Variants in TMEM192 observed in about 807,000 individuals in gnomAD.
TMEM192 encodes transmembrane protein 192.
In TMEM192, 20 loss-of-function variants were observed where a neutral mutation model predicts 26.7. The ratio of observed to expected loss-of-function variants is 0.75; its 90% CI spans 0.53 to 1.09. The LOEUF (loss-of-function observed/expected upper bound fraction) is 1.09, where lower values mean the gene tolerates loss of function less well. Ranked by LOEUF, TMEM192 falls within the 50% of genes least tolerant of loss-of-function variation. TMEM192 has a pLI of 0.00. For synonymous variants in TMEM192, 124 were observed against 121.0 expected (o/e 1.02, Z -0.16); for missense variants, 304 against 322.6 (o/e 0.94, Z 0.44).
At position 165,081,986 on chromosome 4, in the gene TMEM192, T is replaced by C. The variant is rs1361279264; in HGVS notation, c.678-2190A>G. Among the ~76,000 whole-genome samples the C allele has an allele frequency of 5.1e-3, 152 of 29,702 alleles. 58 individuals carry two copies. The highest frequency in any genetic ancestry group is 0.02 in the Admixed American group (44 of 2,164). 19.5% of individuals were successfully genotyped at this position (29,702 alleles called of 152,430 possible). ...ACCATCTTCTTTTTTTTTTTTTTTT[T>C]CAACACAGAGTCTCACTCCATTGCC... On this transcript the variant is annotated intron_variant, in intron 5 of 5. Transcript: ENST00000306480.
intron 4 of TMEM192, among the ~76,000 whole-genome samples, chr4:165,086,384 A>G (rs1490815941): frequency 2.0e-5 from 3 of 150,468 alleles, no homozygotes; most frequent in Non-Finnish European, 2.9e-5. Flanking sequence ...AGAATGCATC[A>G]GGAGTGGCTG....
intron 2 of TMEM192, among the ~76,000 whole-genome samples, chr4:165,102,253 G>C (rs1449118542): frequency 6.6e-6 from 1 of 152,112 alleles, no homozygotes; most frequent in Non-Finnish European, 1.5e-5. Context: ...AAATTCCTGT[G>C]TCAACATATG....
chr4:165,089,293 C>T (rs1183472621), intron 3 of TMEM192, among the ~76,000 whole-genome samples: 1 of 151,850 alleles, frequency 6.6e-6, no homozygotes, highest in Non-Finnish European at 1.5e-5. Flanking sequence ...AAATAAGGGT[C>T]TTCAAGGGAA....
At chr4:165,090,401 T>C in intron 3 of TMEM192, among the ~76,000 whole-genome samples, 1 of 151,282 alleles carries the variant, frequency 6.6e-6, no homozygotes. Context: ...AAAAATCTAT[T>C]GAACAATGAG....
In TMEM192 at chr4:165,073,055, G is replaced by A. The variant is rs1734304921; in HGVS notation, c.*6603C>T. 1 of 152,220 alleles carries A rather than the reference G, an allele frequency of 6.6e-6. No individual in the cohort carries two copies. The highest frequency in any genetic ancestry group is 2.4e-5 in the African/African-American group (1 of 41,406). 9.4% of individuals were successfully genotyped at this position (152,220 alleles called of 1,614,324 possible). A position where few individuals can be genotyped will look rare whatever the true frequency, so the allele number is the denominator to read the frequency against. On this transcript the variant is annotated 3_prime_UTR_variant, in exon 6 of 6. Transcript: ENST00000306480. Reference sequence around the variant, plus strand: ...AAAGCAGACAAAAGAAGAAGCTAGTGAAGTAGAAGAAAATGAGGAGAATGT... The same window carrying A: ...AAAGCAGACAAAAGAAGAAGCTAGTAAAGTAGAAGAAAATGAGGAGAATGT...
rs1376960500 is a variant in TMEM192, at chr4:165,071,006, C to T, written c.*8652G>A. Reference sequence around the variant, plus strand: ...CCCCTTATCTACAGGGGAAACATTACAAGACCTCAGGTGATGCCTGGAGCC... The same window carrying T: ...CCCCTTATCTACAGGGGAAACATTATAAGACCTCAGGTGATGCCTGGAGCC... On this transcript the variant is annotated 3_prime_UTR_variant, in exon 6 of 6. Coordinates refer to ENST00000306480, the MANE Select transcript of TMEM192 (RefSeq NM_001100389.2). 6 of 152,084 alleles carry T rather than the reference C, an allele frequency of 3.9e-5. No individual in the cohort carries two copies. Among genetic ancestry groups the T allele is most frequent in the Admixed American group, 1.3e-4 (2 of 15,248 alleles). 9.4% of individuals were successfully genotyped at this position (152,084 alleles called of 1,614,324 possible). A position where few individuals can be genotyped will look rare whatever the true frequency, so the allele number is the denominator to read the frequency against.
chr4:165,087,627 T>A lies in TMEM192; in HGVS notation c.574+841A>T, dbSNP rs1734651236. Reference sequence around the variant, plus strand: ...GCCTGTGGGACATGTGGATGAAAACTTCATTAAGCAGATGAATATATACAA... The same window carrying A: ...GCCTGTGGGACATGTGGATGAAAACATCATTAAGCAGATGAATATATACAA... On this transcript the variant is annotated intron_variant, in intron 4 of 5. Coordinates refer to ENST00000306480, the MANE Select transcript of TMEM192 (RefSeq NM_001100389.2). 2.0e-5 allele frequency among the ~76,000 whole-genome samples: 3 copies of A among 152,152 alleles called. No homozygotes were observed. The South Asian group carries it at 6.2e-4, about 31-fold the overall frequency.
At chr4:165,105,056 C>T (rs1314819067) in intron 1 of TMEM192, among the ~76,000 whole-genome samples, 1 of 152,200 alleles carries the variant, frequency 6.6e-6, no homozygotes, top group African/African-American at 2.4e-5. Flanking sequence ...TACCCCTAAT[C>T]TGGATTGTGC....
chr4:165,108,169 T>C (rs1293891016), intron 1 of TMEM192, among the ~76,000 whole-genome samples: 1 of 128,028 alleles, frequency 7.8e-6, no homozygotes, highest in Non-Finnish European at 1.6e-5. Flanking sequence ...GTCACCCAGG[T>C]TGGAGTGCAG....
intron 3 of TMEM192, among the ~76,000 whole-genome samples, chr4:165,093,922 G>A (rs771257877): frequency 1.3e-5 from 2 of 151,716 alleles, no homozygotes; most frequent in East Asian, 1.9e-4. Context: ...TTTTTGAGTC[G>A]GAGTTTTGCT....
chr4:165,073,708 C>T lies in TMEM192; in HGVS notation c.*5950G>A, dbSNP rs915852378. 3 of 152,116 alleles carry T rather than the reference C, an allele frequency of 2.0e-5. No homozygotes were observed. The highest frequency in any genetic ancestry group is 7.3e-5 in the African/African-American group (3 of 41,372). The allele number at this position is 152,116 out of a possible 1,614,324, so 9.4% of individuals were successfully genotyped here. ...CTATTCTGAGATAGGAGAAAACTGC[C>T]CTGTGGCTGGAGGCGAGATATGCTG... On this transcript the variant is annotated 3_prime_UTR_variant, in exon 6 of 6. Transcript: ENST00000306480.
intron 3 of TMEM192, among the ~76,000 whole-genome samples, chr4:165,093,977 G>A (rs1022913828): frequency 6.6e-6 from 1 of 152,136 alleles, no homozygotes; most frequent in Non-Finnish European, 1.5e-5. Context: ...TTGGCTGACT[G>A]TAACCTCCGC....
At chr4:165,092,746 G>A (rs912475413) in intron 3 of TMEM192, among the ~76,000 whole-genome samples, 3 of 151,884 alleles carry the variant, frequency 2.0e-5, no homozygotes, top group African/African-American at 7.3e-5. Context: ...ATGATTGTGA[G>A]CCAAAGATCC....
At chr4:165,079,888 C>T (rs1367173691) in intron 5 of TMEM192, 92 bp from the exon 6 acceptor site, 4 of 1,275,682 alleles carry the variant, frequency 3.1e-6, no homozygotes, top group South Asian at 1.9e-5. Context: ...TTTAGTAAAG[C>T]ATATTGTATT....
chr4:165,090,355 C>A (rs1271174929), intron 3 of TMEM192, among the ~76,000 whole-genome samples: 1 of 151,242 alleles, frequency 6.6e-6, no homozygotes, highest in Non-Finnish European at 1.5e-5. Flanking sequence ...TGCACTCCAG[C>A]CTGGTGACAG....
chr4:165,084,342 G>T (rs1284858276), intron 5 of TMEM192, among the ~76,000 whole-genome samples: 1 of 151,576 alleles, frequency 6.6e-6, no homozygotes, highest in Non-Finnish European at 1.5e-5. Flanking sequence ...GGGATTACAG[G>T]TATGCGCCAC....
chr4:165,088,368 A>T, intron 4 of TMEM192, 100 bp downstream of exon 4: 1 of 1,230,170 alleles, frequency 8.1e-7, no homozygotes, highest in Non-Finnish European at 1.1e-6. Flanking sequence ...CCACTCAGAT[A>T]CACAGAGAAC....
At chr4:165,110,114 C>G (rs930926415) in intron 1 of TMEM192, among the ~76,000 whole-genome samples, 15 of 152,292 alleles carry the variant, frequency 9.8e-5, no homozygotes, top group South Asian at 2.1e-4. Context: ...ACAAACAGCA[C>G]CCAGTCATTC....
At position 165,093,909 on chromosome 4, in the gene TMEM192, GTT is replaced by G. The variant is rs565651733; in HGVS notation, c.440-5309_440-5308del. ...CTAATTTTTGTATTTGTTTTGTTTT[GTT>G]TTTTTGAGTCGGAGTTTTGCTCTTG... On this transcript the variant is annotated intron_variant, in intron 3 of 5. Transcript: ENST00000306480. 2.0e-5 allele frequency among the ~76,000 whole-genome samples: 3 copies of G among 151,688 alleles called. No individual in the cohort carries two copies. In the South Asian group the frequency reaches 6.2e-4, roughly 32 times the overall value.
Sources: allele counts gnomAD v4.1 joint callset (sites outside exome capture counted in the v4.1 genomes callset), GRCh38; gene constraint gnomAD v4.1.1; transcripts MANE v1.5; gene names NCBI Gene and HGNC (gene_info 2026-07-23, HGNC 2026-07-21).